Variants in TEX11 observed in about 807,000 individuals in gnomAD.
TEX11 encodes the protein testis-expressed protein 11.
Under a neutral mutation model 84.4 loss-of-function variants are expected in TEX11, and 7 were observed. The ratio of observed to expected loss-of-function variants is 0.08; its 90% CI spans 0.05 to 0.16. The LOEUF is 0.16. TEX11 is among the 10% of genes least tolerant of loss of function. The probability of loss-of-function intolerance (pLI) is 1.00; values close to 1 mark genes in which losing one functional copy is unlikely to be tolerated. For missense variants in TEX11, 551 were observed against 660.5 expected, an observed-to-expected ratio of 0.83 and a Z score of 1.82; for synonymous variants, 264 against 222.8, an observed-to-expected ratio of 1.18 and a Z score of -1.64.
intron 13 of TEX11, among the ~76,000 whole-genome samples, chrX:70,714,813 A>G (rs376302358): frequency 1.6e-4 from 18 of 111,566 alleles, no homozygotes; most frequent in African/African-American, 5.5e-4. Flanking sequence ...ATATTGTTAT[A>G]TGTGAATTTG....
intron 17 of TEX11, among the ~76,000 whole-genome samples, chrX:70,636,069 T>C (rs1013482376): frequency 3.6e-5 from 4 of 110,191 alleles, no homozygotes; most frequent in Non-Finnish European, 7.6e-5. Context: ...TGCAGCCAGG[T>C]TCCAGGACAG....
chrX:70,841,277 T>A (rs1438391382), intron 7 of TEX11, among the ~76,000 whole-genome samples: 1 of 110,845 alleles, frequency 9.0e-6, no homozygotes, highest in Non-Finnish European at 1.9e-5. Flanking sequence ...TATAACAAAC[T>A]GTCTCTCAGA....
chrX:70,571,699 C>G (rs946186259), intron 25 of TEX11, among the ~76,000 whole-genome samples: 4 of 111,966 alleles, frequency 3.6e-5, no homozygotes, highest in Non-Finnish European at 7.5e-5. Context: ...GTTTGGATAA[C>G]ATACCTTGTA....
chrX:70,578,521 T>C lies in TEX11; in HGVS notation c.2140+13230A>G, dbSNP rs1233770214. On this transcript the variant is annotated intron_variant, in intron 25 of 29. Coordinates refer to ENST00000374333, the MANE Select transcript of TEX11 (RefSeq NM_031276.3). ...TATTTCTGTGTTTACTCTTAACTTA[T>C]AGCTGAAATTGTAGATCAGAATTCA... Among the ~76,000 whole-genome samples, 6 of 111,973 alleles carry C rather than the reference T, an allele frequency of 5.4e-5. No homozygotes were observed. In the East Asian group the frequency reaches 1.1e-3, roughly 21 times the overall value.
chrX:70,701,496 C>T (rs1484206578), intron 13 of TEX11, among the ~76,000 whole-genome samples: 1 of 111,817 alleles, frequency 8.9e-6, no homozygotes, highest in Non-Finnish European at 1.9e-5. Flanking sequence ...GATTACTGCT[C>T]GTTGACAATG....
intron 9 of TEX11, among the ~76,000 whole-genome samples, chrX:70,750,506 G>C (rs2090808114): frequency 9.1e-6 from 1 of 110,051 alleles, no homozygotes; most frequent in Non-Finnish European, 1.9e-5. Context: ...CAATAGCAAA[G>C]ACTTGGAACC....
At chrX:70,638,382 C>T (rs1444622948) in intron 17 of TEX11, among the ~76,000 whole-genome samples, 1 of 111,712 alleles carries the variant, frequency 9.0e-6, no homozygotes, top group Non-Finnish European at 1.9e-5. Context: ...AATACTTTAC[C>T]CAGTAAAGCT....
At chrX:70,636,781 A>C (rs903881282) in intron 17 of TEX11, among the ~76,000 whole-genome samples, 1 of 112,166 alleles carries the variant, frequency 8.9e-6, no homozygotes, top group Non-Finnish European at 1.9e-5. Context: ...CCATGGACCT[A>C]GGCATCCAGG....
intron 9 of TEX11, among the ~76,000 whole-genome samples, chrX:70,754,520 G>A (rs1245987514): frequency 8.9e-6 from 1 of 111,775 alleles, no homozygotes; most frequent in Non-Finnish European, 1.9e-5. Context: ...GTGGTGTGGG[G>A]GAACTCACTG....
chrX:70,704,618 A>T (rs191158695), intron 13 of TEX11, among the ~76,000 whole-genome samples: 1 of 111,256 alleles, frequency 9.0e-6, no homozygotes, highest in Non-Finnish European at 1.9e-5. Context: ...CATCATCTTG[A>T]GTCTGTTGCC....
intron 16 of TEX11, among the ~76,000 whole-genome samples, chrX:70,666,325 A>G (rs368680480): frequency 1.8e-5 from 2 of 112,082 alleles, no homozygotes; most frequent in East Asian, 5.5e-4. Flanking sequence ...GGGATGCAGG[A>G]AAGAGGTAAT....
Position 70,862,441 on chromosome X carries a change from G to A in TEX11, c.245-1505C>T, listed in dbSNP as rs1382251476. Among the ~76,000 whole-genome samples, 5 of 111,227 alleles carry A rather than the reference G, an allele frequency of 4.5e-5. No homozygotes were observed. In the South Asian group the frequency reaches 1.1e-3, roughly 25 times the overall value. ...CCTTTGAAAAAGAGATTTGTCTAGC[G>A]GAAATTACAGGGTAATTGAAATGGT... is the stretch of plus-strand genomic sequence containing the variant. On this transcript the variant is annotated intron_variant, in intron 4 of 29. Transcript: ENST00000374333.
At chrX:70,557,810 G>C (rs1603060680) in intron 25 of TEX11, among the ~76,000 whole-genome samples, 1 of 111,710 alleles carries the variant, frequency 9.0e-6, no homozygotes, top group African/African-American at 3.3e-5. Flanking sequence ...TGAAAACCAA[G>C]AATAAAGTTG....
chrX:70,692,667 G>GTA (rs1301537536), intron 13 of TEX11, among the ~76,000 whole-genome samples: 8 of 108,562 alleles, frequency 7.4e-5, no homozygotes, highest in East Asian at 3.0e-4. Flanking sequence ...TTGCGTGTGT[G>GTA]TATATATATA....
At chrX:70,749,940 A>G (rs1045896095) in intron 9 of TEX11, among the ~76,000 whole-genome samples, 3 of 111,077 alleles carry the variant, frequency 2.7e-5, no homozygotes, top group Admixed American at 9.7e-5. Context: ...ATTAAACTAA[A>G]GAGCTTCTGC....
intron 28 of TEX11, among the ~76,000 whole-genome samples, chrX:70,542,491 G>C (rs2088058930): frequency 8.9e-6 from 1 of 112,191 alleles, no homozygotes; most frequent in South Asian, 3.7e-4. Flanking sequence ...CATTAGTCAT[G>C]AATGACCTTA....
At chrX:70,789,008 A>C (rs1455562688) in intron 9 of TEX11, among the ~76,000 whole-genome samples, 1 of 84,220 alleles carries the variant, frequency 1.2e-5, no homozygotes, top group Admixed American at 1.4e-4. Flanking sequence ...AGAGAGAGAG[A>C]GAGAGAGCAA....
chrX:70,751,738 G>A (rs1166021952), intron 9 of TEX11, among the ~76,000 whole-genome samples: 2 of 111,883 alleles, frequency 1.8e-5, no homozygotes, highest in African/African-American at 3.2e-5. Flanking sequence ...TAAGCAAAAA[G>A]TGAGAGAATT....
intron 9 of TEX11, among the ~76,000 whole-genome samples, chrX:70,751,796 A>C (rs1452231911): frequency 8.9e-6 from 1 of 112,310 alleles, no homozygotes; most frequent in East Asian, 2.8e-4. Flanking sequence ...GAGGTTCTTC[A>C]TGCTGAAAGC....
Sources: gnomAD v4.1 joint callset for allele counts (sites outside exome capture counted in the v4.1 genomes callset) on GRCh38, gnomAD v4.1.1 for gene constraint, MANE v1.5 for transcripts, NCBI Gene and HGNC (gene_info 2026-07-23, HGNC 2026-07-21) for gene names.